The following ESRRG variants were observed in gnomAD, a reference collection of about 807,000 sequenced individuals.
ESRRG encodes estrogen-related receptor gamma.
Under a neutral mutation model 44.0 loss-of-function variants are expected in ESRRG, and 13 were observed. The observed-to-expected ratio is 0.30, with a 90% CI of 0.19 to 0.47. The LOEUF (loss-of-function observed/expected upper bound fraction) is 0.47, where lower values mean the gene tolerates loss of function less well. ESRRG is among the 20% of genes least tolerant of loss of function. ESRRG has a pLI of 1.00. For synonymous variants in ESRRG, 215 were observed against 214.6 expected, an observed-to-expected ratio of 1.00 and a Z score of -0.02; for missense variants, 395 against 580.6, an observed-to-expected ratio of 0.68 and a Z score of 3.29.
chr1:216,834,217 A>G (rs1256413440), intron 2 of ESRRG, among the ~76,000 whole-genome samples: 2 of 152,162 alleles, frequency 1.3e-5, no homozygotes, highest in African/African-American at 4.8e-5. Context: ...CCTAGACAAC[A>G]TAGTGAAACT....
At chr1:216,901,809 G>C (rs2059114574) in intron 2 of ESRRG, among the ~76,000 whole-genome samples, 2 of 152,116 alleles carry the variant, frequency 1.3e-5, no homozygotes, top group South Asian at 4.2e-4. Flanking sequence ...GCCCAGGCTG[G>C]AGTACAGTGG....
intron 2 of ESRRG, among the ~76,000 whole-genome samples, chr1:216,928,262 A>T (rs939767389): frequency 6.6e-6 from 1 of 151,778 alleles, no homozygotes; most frequent in African/African-American, 2.4e-5. Context: ...CTGTGGGCAA[A>T]CTCCCTTTTA....
At chr1:216,652,962 G>A (rs1345441574) in intron 2 of ESRRG, among the ~76,000 whole-genome samples, 1 of 149,510 alleles carries the variant, frequency 6.7e-6, no homozygotes, top group Non-Finnish European at 1.5e-5. Context: ...CTGCTTAAAA[G>A]GATCAGAAAG....
chr1:217,105,289 G>A (rs764295142), intron 1 of ESRRG, among the ~76,000 whole-genome samples: 5 of 152,140 alleles, frequency 3.3e-5, no homozygotes, highest in African/African-American at 4.8e-5. Flanking sequence ...GCAGTTATAT[G>A]TTACACTGTT....
chr1:216,538,269 T>C (rs2149228586), intron 5 of ESRRG, among the ~76,000 whole-genome samples: 1 of 152,156 alleles, frequency 6.6e-6, no homozygotes, highest in South Asian at 2.1e-4. Flanking sequence ...TGTGTGTGTG[T>C]GTGTGTGCCC....
intron 2 of ESRRG, among the ~76,000 whole-genome samples, chr1:216,734,130 T>C (rs2089424885): frequency 6.6e-6 from 1 of 152,058 alleles, no homozygotes; most frequent in Admixed American, 6.6e-5. Context: ...TGTGTCAAGG[T>C]AGATTGTCCT....
intron 2 of ESRRG, among the ~76,000 whole-genome samples, chr1:216,789,087 A>G (rs2094225790): frequency 6.6e-6 from 1 of 152,194 alleles, no homozygotes; most frequent in Admixed American, 6.5e-5. Context: ...GATTTAGTAT[A>G]TTCCATAAAC....
intron 2 of ESRRG, among the ~76,000 whole-genome samples, chr1:216,771,885 G>A (rs1399451976): frequency 4.1e-5 from 6 of 146,240 alleles, no homozygotes; most frequent in African/African-American, 7.6e-5. Flanking sequence ...CCCAAAGTGT[G>A]TGGTGAAAGT....
At chr1:216,906,115 T>TAACAA (rs2059660699) in intron 2 of ESRRG, among the ~76,000 whole-genome samples, 2 of 152,224 alleles carry the variant, frequency 1.3e-5, no homozygotes, top group Admixed American at 1.3e-4. Flanking sequence ...CAGTATGTAC[T>TAACAA]AGTGATTAAC....
chr1:216,542,525 A>T (rs1558380327), intron 5 of ESRRG, among the ~76,000 whole-genome samples: 2 of 151,948 alleles, frequency 1.3e-5, no homozygotes, highest in Non-Finnish European at 2.9e-5. Context: ...AACAGATAGA[A>T]AGCTGCCATA....
chr1:216,877,687 TATAC>T (rs1384178194), intron 2 of ESRRG, among the ~76,000 whole-genome samples: 2 of 152,048 alleles, frequency 1.3e-5, no homozygotes, highest in African/African-American at 4.8e-5. Flanking sequence ...TACGGGTGCC[TATAC>T]ATACATACAG....
intron 1 of ESRRG, among the ~76,000 whole-genome samples, chr1:217,132,858 T>C (rs2092985076): frequency 2.0e-5 from 3 of 152,138 alleles, no homozygotes; most frequent in African/African-American, 7.2e-5. Context: ...ACGAGCTAAT[T>C]TGGAGGAAAT....
intron 2 of ESRRG, among the ~76,000 whole-genome samples, chr1:216,854,173 A>G (rs2095882257): frequency 6.6e-6 from 1 of 152,022 alleles, no homozygotes; most frequent in African/African-American, 2.4e-5. Flanking sequence ...CCTGGCCAAC[A>G]TGATAAAACC....
At chr1:216,955,253 C>A in intron 1 of ESRRG, among the ~76,000 whole-genome samples, 1 of 152,094 alleles carries the variant, frequency 6.6e-6, no homozygotes, top group Non-Finnish European at 1.5e-5. Flanking sequence ...TCTATGAACT[C>A]AATACTTTTA....
intron 2 of ESRRG, among the ~76,000 whole-genome samples, chr1:216,873,878 G>GGAGGA (rs1457284348): frequency 2.9e-4 from 30 of 103,106 alleles, no homozygotes; most frequent in African/African-American, 1.2e-3. Flanking sequence ...AGGAGAGAAG[G>GGAGGA]GAGGGAAGGG....
At chr1:217,022,924 G>A (rs1023969449) in intron 1 of ESRRG, among the ~76,000 whole-genome samples, 2 of 152,180 alleles carry the variant, frequency 1.3e-5, no homozygotes, top group African/African-American at 4.8e-5. Flanking sequence ...TAACAATCCA[G>A]TGGGACCTAG....
intron 1 of ESRRG, among the ~76,000 whole-genome samples, chr1:216,689,668 T>A (rs944239037): frequency 6.6e-6 from 1 of 152,094 alleles, no homozygotes; most frequent in African/African-American, 2.4e-5. Context: ...GAAGATAAAC[T>A]GTTTTATAAC....
intron 1 of ESRRG, among the ~76,000 whole-genome samples, chr1:217,065,526 C>T (rs2089483938): frequency 6.6e-6 from 1 of 152,180 alleles, no homozygotes; most frequent in South Asian, 2.1e-4. Context: ...AAAGGAGAGC[C>T]TCATCTCTCT....
rs2091807832 is a variant in ESRRG at position 217,082,110 on chromosome 1, G to A, written c.-106+7397C>T. Among the ~76,000 whole-genome samples the A allele has an allele frequency of 2.0e-5, 3 of 152,170 alleles. No homozygotes were observed. The South Asian group carries it at 6.2e-4, about 32-fold the overall frequency. On this transcript the variant is annotated intron_variant, in intron 1 of 7. Coordinates refer to the ESRRG transcript ENST00000359162. ...CCCAGCTGCCCTGCAACTACTTCAG[G>A]GAGAAACTAGCAGGTGCCCAGCAAC... is the stretch of plus-strand genomic sequence containing the variant.
Sources: allele counts gnomAD v4.1 joint callset (sites outside exome capture counted in the v4.1 genomes callset), GRCh38; gene constraint gnomAD v4.1.1; transcripts MANE v1.5; gene names NCBI Gene and HGNC (gene_info 2026-07-23, HGNC 2026-07-21).